Variants in ZMAT4 observed in about 807,000 individuals in gnomAD.
The protein encoded by ZMAT4 is zinc finger matrin-type 4, also known as zinc finger matrin-type protein 4.
Under a neutral mutation model 28.7 loss-of-function variants are expected in ZMAT4, and 17 were observed. The observed-to-expected ratio is 0.59, with a 90% CI of 0.41 to 0.89. The LOEUF (loss-of-function observed/expected upper bound fraction) is 0.89. Among genes scored for constraint, ZMAT4 ranks in the 40% least tolerant of loss-of-function variants. The probability of loss-of-function intolerance (pLI) is 0.00; values close to 1 mark genes in which losing one functional copy is unlikely to be tolerated. For synonymous variants in ZMAT4, 117 were observed against 109.2 expected, an observed-to-expected ratio of 1.07 and a Z score of -0.44; for missense variants, 240 against 283.8, an observed-to-expected ratio of 0.85 and a Z score of 1.11.
chr8:40,544,711 A>G (rs1803144837), intron 6 of ZMAT4, among the ~76,000 whole-genome samples: 1 of 152,174 alleles, frequency 6.6e-6, no homozygotes, highest in Non-Finnish European at 1.5e-5. Flanking sequence ...GAGACAGTGC[A>G]AAATGAAAAA....
At chr8:40,872,487 T>C (rs1817895768) in intron 1 of ZMAT4, among the ~76,000 whole-genome samples, 1 of 152,012 alleles carries the variant, frequency 6.6e-6, no homozygotes, top group South Asian at 2.1e-4. Flanking sequence ...ATGCCACCAG[T>C]GTGCTCTCAA....
chr8:40,677,422 C>T (rs1208940888), intron 4 of ZMAT4, among the ~76,000 whole-genome samples: 3 of 151,930 alleles, frequency 2.0e-5, no homozygotes, highest in African/African-American at 7.3e-5. Context: ...AAAGACAGAA[C>T]TCTGGTTGGG....
At chr8:40,742,177 G>T (rs984247356) in intron 3 of ZMAT4, among the ~76,000 whole-genome samples, 7 of 151,880 alleles carry the variant, frequency 4.6e-5, no homozygotes, top group Non-Finnish European at 1.0e-4. Flanking sequence ...GATCTCAGGA[G>T]GTAGAGGTTG....
At chr8:40,631,424 C>G (rs1198286971) in intron 5 of ZMAT4, among the ~76,000 whole-genome samples, 1 of 152,166 alleles carries the variant, frequency 6.6e-6, no homozygotes, top group East Asian at 1.9e-4. Flanking sequence ...TCCCAAGGTG[C>G]TGGGATTACA....
intron 4 of ZMAT4, among the ~76,000 whole-genome samples, chr8:40,676,157 A>G (rs1362487226): frequency 6.6e-6 from 1 of 152,206 alleles, no homozygotes; most frequent in African/African-American, 2.4e-5. Context: ...GGCTTACTGA[A>G]GGTGAGATAT....
intron 2 of ZMAT4, among the ~76,000 whole-genome samples, chr8:40,796,287 C>T (rs1160633404): frequency 6.6e-6 from 1 of 152,234 alleles, no homozygotes; most frequent in Admixed American, 6.5e-5. Flanking sequence ...ACATGACACT[C>T]ACCTCAAGGC....
rs749363248 is a variant in ZMAT4 at position 40,700,406 on chromosome 8, C to CTTTTTTTTTTT, written c.193-3006_193-3005insAAAAAAAAAAA. Among the ~76,000 whole-genome samples the CTTTTTTTTTTT allele has an allele frequency of 4.9e-5, 3 of 60,798 alleles. 1 individual carries two copies. Among genetic ancestry groups the CTTTTTTTTTTT allele is most frequent in the Admixed American group, 2.5e-4 (1 of 3,956 alleles). The allele number at this position is 60,798 out of a possible 152,430, so 39.9% of individuals were successfully genotyped here. On this transcript the variant is annotated intron_variant, in intron 3 of 6. Coordinates refer to ENST00000297737, the MANE Select transcript of ZMAT4 (RefSeq NM_024645.3). The stretch of plus-strand genomic sequence containing the variant: ...TCACTTCCTTGAGGGGAAGCTGCTG[C>CTTTTTTTTTTT]TTTTCTTTTTTTTTTTTTTTTTTTT...
At chr8:40,629,640 A>C (rs1214434095) in intron 5 of ZMAT4, among the ~76,000 whole-genome samples, 2 of 143,058 alleles carry the variant, frequency 1.4e-5, no homozygotes, top group Non-Finnish European at 3.0e-5. Flanking sequence ...CCCACCTATG[A>C]GTGAGAACAT....
chr8:40,584,374 G>A (rs1467561466), intron 5 of ZMAT4, among the ~76,000 whole-genome samples: 1 of 152,142 alleles, frequency 6.6e-6, no homozygotes, highest in Non-Finnish European at 1.5e-5. Flanking sequence ...CCCGTGTTAA[G>A]TGGACAGCGC....
intron 1 of ZMAT4, among the ~76,000 whole-genome samples, chr8:40,836,172 G>T (rs544705063): frequency 4.8e-4 from 73 of 152,280 alleles, no homozygotes; most frequent in African/African-American, 1.6e-3. Flanking sequence ...AATAATGATT[G>T]GTTTGGGAAT....
chr8:40,736,891 A>G (rs1811786825), intron 3 of ZMAT4, among the ~76,000 whole-genome samples: 1 of 137,214 alleles, frequency 7.3e-6, no homozygotes, highest in African/African-American at 2.7e-5. Flanking sequence ...AAAGTGAGAT[A>G]GACTCCAGCC....
chr8:40,856,144 CG>C (rs1817289400), intron 1 of ZMAT4, among the ~76,000 whole-genome samples: 1 of 152,140 alleles, frequency 6.6e-6, no homozygotes, highest in Admixed American at 6.5e-5. Context: ...TTAAATCATG[CG>C]GCTACTGATC....
At chr8:40,895,736 T>C (rs1445046203) in intron 1 of ZMAT4, among the ~76,000 whole-genome samples, 1 of 152,114 alleles carries the variant, frequency 6.6e-6, no homozygotes, top group Admixed American at 6.5e-5. Flanking sequence ...CAGATTGGCA[T>C]CAATTAAAGG....
chr8:40,846,626 C>T (rs1364288212), intron 1 of ZMAT4, among the ~76,000 whole-genome samples: 1 of 152,206 alleles, frequency 6.6e-6, no homozygotes, highest in Non-Finnish European at 1.5e-5. Flanking sequence ...TTGGCGTCCC[C>T]GTTTCCAGGA....
At chr8:40,603,784 A>G (rs1032389087) in intron 5 of ZMAT4, among the ~76,000 whole-genome samples, 14 of 152,024 alleles carry the variant, frequency 9.2e-5, no homozygotes, top group Non-Finnish European at 1.5e-4. Context: ...GCCTGCCACC[A>G]TGTCCAGCTA....
chr8:40,837,947 T>C (rs1367993452), intron 1 of ZMAT4, among the ~76,000 whole-genome samples: 20 of 152,234 alleles, frequency 1.3e-4, no homozygotes, highest in Admixed American at 1.3e-3. Flanking sequence ...GGCACATTGG[T>C]GTTGGTGCCT....
intron 3 of ZMAT4, among the ~76,000 whole-genome samples, chr8:40,762,259 G>A (rs75587839): frequency 0.019 from 2,958 of 152,284 alleles, 41 homozygotes; most frequent in Non-Finnish European, 0.032. Context: ...ATGGGGTCTT[G>A]CACATGTACG....
At position 40,647,334 on chromosome 8, in the gene ZMAT4, GGTCACTCCCACCCGAATAC is replaced by G. The variant is rs528894404; in HGVS notation, c.577+27351_577+27369del. ...GTGACAGACAGCACCTGGAAAATCG[GGTCACTCCCACCCGAATAC>G]TGCGCTTTTCTGACGGGCTTAAAAC... On this transcript the variant is annotated intron_variant, in intron 5 of 6. Coordinates refer to ENST00000297737, the MANE Select transcript of ZMAT4 (RefSeq NM_024645.3). 2.3e-3 allele frequency among the ~76,000 whole-genome samples: 357 copies of G among 152,278 alleles called. 3 individuals are homozygous for G. The highest frequency in any genetic ancestry group is 8.3e-3 in the African/African-American group (345 of 41,552).
rs188019289 is a variant in ZMAT4 at position 40,544,803 on chromosome 8, A to G, written c.675-12565T>C. Among the ~76,000 whole-genome samples, 288 of 152,302 alleles carry G rather than the reference A, an allele frequency of 1.9e-3. 2 individuals carry two copies. The highest frequency in any genetic ancestry group is 2.2e-3 in the Admixed American group (34 of 15,296). ...CAGTTACAAACAAGCTCTAGTTTTCATGAAAAAGGATGACTCAGAGGATGG... is the reference window on the plus strand; with the variant it reads ...CAGTTACAAACAAGCTCTAGTTTTCGTGAAAAAGGATGACTCAGAGGATGG... On this transcript the variant is annotated intron_variant, in intron 6 of 6. Coordinates refer to ENST00000297737, the MANE Select transcript of ZMAT4 (RefSeq NM_024645.3).
Sources: gnomAD v4.1 joint callset for allele counts (sites outside exome capture counted in the v4.1 genomes callset) on GRCh38, gnomAD v4.1.1 for gene constraint, MANE v1.5 for transcripts, NCBI Gene and HGNC (gene_info 2026-07-23, HGNC 2026-07-21) for gene names.